The following ADGRL3 variants were observed in gnomAD, a reference collection of about 807,000 sequenced individuals.
The protein encoded by ADGRL3 is adhesion G protein-coupled receptor L3.
ADGRL3 carries 62 observed loss-of-function variants against 153.5 expected under a neutral mutation model. The observed-to-expected ratio is 0.40, with a 90% CI of 0.33 to 0.50. The LOEUF (loss-of-function observed/expected upper bound fraction) is 0.50. ADGRL3 is among the 20% of genes least tolerant of loss of function. The pLI is 0.47. For synonymous variants in ADGRL3, 710 were observed against 672.5 expected (o/e 1.06, Z -0.86); for missense variants, 1,641 against 1,859.4 (o/e 0.88, Z 2.16).
chr4:61,257,454 C>G (rs1393994694), intron 1 of ADGRL3, among the ~76,000 whole-genome samples: 1 of 151,936 alleles, frequency 6.6e-6, no homozygotes, highest in African/African-American at 2.4e-5. Context: ...CACAATAATC[C>G]TTTGGTAGCA....
chr4:61,678,589 C>T (rs2095263858), intron 6 of ADGRL3, among the ~76,000 whole-genome samples: 1 of 151,954 alleles, frequency 6.6e-6, no homozygotes, highest in Admixed American at 6.6e-5. Context: ...CCACAGGTTT[C>T]CTTTCTCTCA....
chr4:61,254,129 A>G (rs1035654114), intron 1 of ADGRL3, among the ~76,000 whole-genome samples: 1 of 152,138 alleles, frequency 6.6e-6, no homozygotes, highest in Non-Finnish European at 1.5e-5. Flanking sequence ...CTCATTATGC[A>G]TTATTTCTTT....
intron 5 of ADGRL3, among the ~76,000 whole-genome samples, chr4:61,621,731 T>C (rs553455817): frequency 6.6e-6 from 1 of 152,298 alleles, no homozygotes; most frequent in East Asian, 1.9e-4. Context: ...GTCGTCAAGA[T>C]AGCAGCGCTA....
rs375658535 is a variant in ADGRL3 at position 61,536,101 on chromosome 4, A to G, written c.259+18583A>G. On this transcript the variant is annotated intron_variant, in intron 4 of 26. Coordinates refer to ENST00000683033, the MANE Select transcript of ADGRL3 (RefSeq NM_001387552.1). ...TATGTTATGCCTTTTATATGTTTCT[A>G]AAAAATTTTTGATTGCTGCCTTAAT... 3.9e-5 allele frequency among the ~76,000 whole-genome samples: 6 copies of G among 152,062 alleles called. 1 individual carries two copies. Among genetic ancestry groups the G allele is most frequent in the African/African-American group, 1.4e-4 (6 of 41,514 alleles).
intron 8 of ADGRL3, chr4:61,775,952 G>C (rs909889379): frequency 5.7e-6 from 1 of 176,920 alleles, no homozygotes; most frequent in South Asian, 1.9e-4. Context: ...CCAGGCTGGA[G>C]TGCAGTGGCA....
chr4:61,760,772 G>T (rs1359573375), intron 8 of ADGRL3, among the ~76,000 whole-genome samples: 1 of 152,180 alleles, frequency 6.6e-6, no homozygotes, highest in African/African-American at 2.4e-5. Flanking sequence ...CTAGACTGGA[G>T]CTGTTCCTAT....
intron 2 of ADGRL3, among the ~76,000 whole-genome samples, chr4:61,460,707 G>A (rs1291613230): frequency 2.0e-5 from 3 of 152,040 alleles, no homozygotes; most frequent in Non-Finnish European, 2.9e-5. Flanking sequence ...AGGCAAAGGA[G>A]GAGAAAGGCA....
At position 62,077,534 on chromosome 4, in the gene ADGRL3, AAAGTT is replaced by A. The variant is rs1346435962; in HGVS notation, c.*6631_*6635del. On this transcript the variant is annotated 3_prime_UTR_variant, in exon 27 of 27. Transcript: ENST00000683033. ...TGATTGCTCTCAAAAGATGTTTGACAAAGTTAAGTCAGTATCTTCAATGCTTTAAC... is the reference window on the plus strand; with the variant it reads ...TGATTGCTCTCAAAAGATGTTTGACAAAGTCAGTATCTTCAATGCTTTAAC... 3 of 152,054 alleles carry A rather than the reference AAAGTT, an allele frequency of 2.0e-5. No individual in the cohort carries two copies. The highest frequency in any genetic ancestry group is 2.9e-5 in the Non-Finnish European group (2 of 67,916). 9.4% of individuals were successfully genotyped at this position (152,054 alleles called of 1,614,324 possible).
intron 5 of ADGRL3, among the ~76,000 whole-genome samples, chr4:61,618,496 G>T (rs1333773023): frequency 2.0e-5 from 3 of 152,148 alleles, no homozygotes; most frequent in Non-Finnish European, 4.4e-5. Flanking sequence ...CTAGGCTGGG[G>T]TTTGATGGAT....
chr4:61,567,408 T>C (rs2098820709), intron 4 of ADGRL3, among the ~76,000 whole-genome samples: 1 of 152,178 alleles, frequency 6.6e-6, no homozygotes. Context: ...TGGAAGGTGA[T>C]AAGATCACGA....
chr4:61,568,630 T>C (rs935889615), intron 4 of ADGRL3, among the ~76,000 whole-genome samples: 5 of 152,166 alleles, frequency 3.3e-5, no homozygotes, highest in African/African-American at 9.6e-5. Flanking sequence ...TAGTCTATGT[T>C]AGTCCTGCTA....
intron 19 of ADGRL3, among the ~76,000 whole-genome samples, chr4:61,995,524 T>C (rs115785170): frequency 0.025 from 3,875 of 152,298 alleles, 66 homozygotes; most frequent in Middle Eastern, 0.041. Flanking sequence ...TAATTCAAGA[T>C]ATTATTTTTA....
chr4:61,574,289 G>A (rs2098853704), intron 4 of ADGRL3, among the ~76,000 whole-genome samples: 1 of 151,968 alleles, frequency 6.6e-6, no homozygotes, highest in Non-Finnish European at 1.5e-5. Context: ...CATATATTGA[G>A]AAATCCAGCA....
intron 9 of ADGRL3, among the ~76,000 whole-genome samples, chr4:61,889,360 T>C (rs2098556898): frequency 6.6e-6 from 1 of 152,196 alleles, no homozygotes; most frequent in Non-Finnish European, 1.5e-5. Flanking sequence ...ACTGGTAATT[T>C]TCTATGGTTT....
chr4:62,011,486 G>A (rs1391871467), intron 21 of ADGRL3, among the ~76,000 whole-genome samples: 4 of 151,962 alleles, frequency 2.6e-5, no homozygotes, highest in Non-Finnish European at 5.9e-5. Context: ...GTATAGGGCG[G>A]TTATCTCTGG....
At chr4:61,585,319 A>C (rs1327357317) in intron 4 of ADGRL3, among the ~76,000 whole-genome samples, 1 of 152,026 alleles carries the variant, frequency 6.6e-6, no homozygotes, top group Non-Finnish European at 1.5e-5. Flanking sequence ...TATCATACAA[A>C]TGAGGTAAAA....
At chr4:61,927,905 A>T (rs150436145) in intron 13 of ADGRL3, among the ~76,000 whole-genome samples, 3 of 151,984 alleles carry the variant, frequency 2.0e-5, no homozygotes, top group Non-Finnish European at 2.9e-5. Flanking sequence ...CTGTCTATCT[A>T]TCTATCTATC....
At chr4:62,000,575 G>T (rs1421542171) in intron 21 of ADGRL3, among the ~76,000 whole-genome samples, 2 of 152,102 alleles carry the variant, frequency 1.3e-5, no homozygotes, top group African/African-American at 4.8e-5. Context: ...TGTTTTCTAG[G>T]TTATATTCTT....
At chr4:61,235,844 C>T (rs1215306593) in intron 1 of ADGRL3, among the ~76,000 whole-genome samples, 1 of 151,924 alleles carries the variant, frequency 6.6e-6, no homozygotes, top group Non-Finnish European at 1.5e-5. Flanking sequence ...AGGTGGGACC[C>T]CTAATATCCT....
Sources: allele counts gnomAD v4.1 joint callset (sites outside exome capture counted in the v4.1 genomes callset), GRCh38; gene constraint gnomAD v4.1.1; transcripts MANE v1.5; gene names NCBI Gene and HGNC (gene_info 2026-07-23, HGNC 2026-07-21).